The following ZGRF1 variants were observed in gnomAD, a reference collection of about 807,000 sequenced individuals.
ZGRF1 encodes the protein zinc finger GRF-type containing 1.
In ZGRF1, 196 loss-of-function variants were observed where a neutral mutation model predicts 203.5. That is an observed-to-expected ratio of 0.96 (90% CI 0.86 to 1.08). The LOEUF (loss-of-function observed/expected upper bound fraction) is 1.08. Ranked by LOEUF, ZGRF1 falls within the 50% of genes least tolerant of loss-of-function variation. The probability of loss-of-function intolerance (pLI) is 0.00; values close to 1 mark genes in which losing one functional copy is unlikely to be tolerated. For missense variants in ZGRF1, 2,326 were observed against 2,416.3 expected, an observed-to-expected ratio of 0.96 and a Z score of 0.78; for synonymous variants, 809 against 841.3, an observed-to-expected ratio of 0.96 and a Z score of 0.66.
At chr4:112,608,641 T>G (rs1246590068) in intron 8 of ZGRF1, among the ~76,000 whole-genome samples, 1 of 151,982 alleles carries the variant, frequency 6.6e-6, no homozygotes, top group Non-Finnish European at 1.5e-5. Context: ...AAGAAAAAAT[T>G]TAAACCTTAT....
chr4:112,581,179 C>CA (rs1364509620), intron 16 of ZGRF1, among the ~76,000 whole-genome samples: 11 of 147,650 alleles, frequency 7.5e-5, no homozygotes, highest in Admixed American at 2.8e-4. Context: ...ATCGCAAGGA[C>CA]AAAAAACCAA....
chr4:112,617,844 C>T lies in ZGRF1; in HGVS notation c.2198G>A (p.Ser733Asn), dbSNP rs1405185049. The change falls in exon 6 of 28, where the codon AGT (serine) becomes AAT (asparagine). Residue 733 changes from serine (S) to asparagine (N), a missense_variant. Transcript: ENST00000505019. ...TAATAGTTGGACACTGTTGTCACTA[C>T]TAGAAGTTGAGGGTAAAACATGTTC... ...NDEHVLPSTS[S>N]SDNSVQLLNT... 1 of 1,614,014 alleles carries T rather than the reference C, an allele frequency of 6.2e-7. No homozygotes were observed. The highest frequency in any genetic ancestry group is 1.7e-5 in the Admixed American group (1 of 60,012).
intron 16 of ZGRF1, among the ~76,000 whole-genome samples, chr4:112,571,947 T>C (rs1356859841): frequency 6.6e-6 from 1 of 152,066 alleles, no homozygotes; most frequent in Non-Finnish European, 1.5e-5. Context: ...CAGTATAAAA[T>C]AGGGAGTCAA....
chr4:112,559,932 A>G (rs1741640436), intron 19 of ZGRF1, among the ~76,000 whole-genome samples: 1 of 152,190 alleles, frequency 6.6e-6, no homozygotes, highest in Non-Finnish European at 1.5e-5. Flanking sequence ...GATGGATAGA[A>G]GCTAGAAGGA....
Position 112,618,689 on chromosome 4 carries a change from T to C in ZGRF1, c.1353A>G (p.Gly451=). 1.2e-6 allele frequency: 2 copies of C among 1,612,504 alleles called. No individual in the cohort carries two copies. Among genetic ancestry groups the C allele is most frequent in the Non-Finnish European group, 1.7e-6 (2 of 1,179,656 alleles). ...GAGCATTTTCTTTAATGAGAACTGA[T>C]CCTTTAATGCACCCCTTGTCATTTT... ...FNQNDKGCIK[G]SVLIKENAQE... The change falls in exon 6 of 28, where the codon GGA becomes GGG. Residue 451 remains glycine (G), a synonymous_variant. Coordinates refer to ENST00000505019, the MANE Select transcript of ZGRF1 (RefSeq NM_018392.5).
chr4:112,565,143 T>C (rs1742789810), intron 16 of ZGRF1: 2 of 1,443,180 alleles, frequency 1.4e-6, no homozygotes, highest in Admixed American at 1.7e-5. Flanking sequence ...TCCGTGAAAT[T>C]AGATGTTATC....
chr4:112,603,425 T>C, intron 10 of ZGRF1, 99 bp downstream of exon 10: 1 of 734,378 alleles, frequency 1.4e-6, no homozygotes, highest in African/African-American at 1.8e-5. Context: ...TACTCCTTTT[T>C]AACTTATAAC....
intron 16 of ZGRF1, among the ~76,000 whole-genome samples, chr4:112,572,220 C>G (rs1485250556): frequency 1.3e-5 from 2 of 152,110 alleles, no homozygotes; most frequent in African/African-American, 2.4e-5. Context: ...ACCAATAGAA[C>G]AGAATAGAGA....
In ZGRF1 at chr4:112,546,325, A is replaced by T. The variant is rs186762101; in HGVS notation, c.5598+960T>A. Among the ~76,000 whole-genome samples the T allele has an allele frequency of 1.3e-3, 197 of 152,308 alleles. 2 individuals carry two copies. Among genetic ancestry groups the T allele is most frequent in the Non-Finnish European group, 2.5e-4 (17 of 68,024 alleles). ...GAAGTGATGAAAACATTTTGAAACC[A>T]GACAGAGGTAGTGGTTACACAAGAA... On this transcript the variant is annotated intron_variant, in intron 24 of 27. Coordinates refer to ENST00000505019, the MANE Select transcript of ZGRF1 (RefSeq NM_018392.5).
chr4:112,564,926 G>A (rs1018204253), intron 16 of ZGRF1: 6 of 728,434 alleles, frequency 8.2e-6, no homozygotes, highest in Admixed American at 2.1e-5. Flanking sequence ...CGCCAGCGCC[G>A]CCTGTCGCTG....
At position 112,631,936 on chromosome 4, in the gene ZGRF1, T is replaced by C; in HGVS notation, c.96A>G (p.Gly32=). The change falls in exon 3 of 28, where the codon GGA becomes GGG. Residue 32 remains glycine (G), a synonymous_variant. Coordinates refer to ENST00000505019, the MANE Select transcript of ZGRF1 (RefSeq NM_018392.5). ...TCAACTGCTTTGTACTCACTTTGTT[T>C]CCTAAGTGAGTGATCTTCAGAATTC... ...QDGILKITHL[G]NKAILYDDKG... The C allele has an allele frequency of 6.3e-7, 1 of 1,588,312 alleles. No individual in the cohort carries two copies. The highest frequency in any genetic ancestry group is 1.2e-5 in the South Asian group (1 of 85,978).
intron 22 of ZGRF1, among the ~76,000 whole-genome samples, chr4:112,553,138 G>A (rs1740269271): frequency 6.6e-6 from 1 of 152,226 alleles, no homozygotes; most frequent in African/African-American, 2.4e-5. Flanking sequence ...CTAGCAGAAA[G>A]TTACCAATGT....
chr4:112,597,212 T>TAAA (rs1273783172), intron 10 of ZGRF1, among the ~76,000 whole-genome samples: 1 of 105,352 alleles, frequency 9.5e-6, no homozygotes. Flanking sequence ...AAACTCCATC[T>TAAA]AAAAAAAAAA....
chr4:112,628,534 G>C, intron 3 of ZGRF1: 1 of 454,210 alleles, frequency 2.2e-6, no homozygotes, highest in Non-Finnish European at 4.4e-6. Flanking sequence ...TAGAGAAAAG[G>C]CATAACTAGC....
intron 24 of ZGRF1, among the ~76,000 whole-genome samples, chr4:112,542,080 G>A (rs1387740999): frequency 2.6e-5 from 4 of 152,068 alleles, no homozygotes; most frequent in East Asian, 1.9e-4. Context: ...GTGGTTCAAC[G>A]CCTGTAATTC....
intron 10 of ZGRF1, among the ~76,000 whole-genome samples, chr4:112,597,212 TAA>T (rs1273783172): frequency 3.2e-4 from 34 of 105,268 alleles, no homozygotes; most frequent in Middle Eastern, 6.5e-3. Flanking sequence ...AAACTCCATC[TAA>T]AAAAAAAAAA....
chr4:112,588,209 C>T (rs1463264334), intron 11 of ZGRF1, among the ~76,000 whole-genome samples: 1 of 151,614 alleles, frequency 6.6e-6, no homozygotes, highest in African/African-American at 2.4e-5. Flanking sequence ...GTTTATATAG[C>T]ACTTAACATT....
rs549001041 is a variant in ZGRF1, at chr4:112,554,272, A to G, written c.5199-290T>C. ...CTGTGTCCATGTGTTCTCATTGTTC[A>G]ATTCCCACCTATGAGTGAGAACATG... On this transcript the variant is annotated intron_variant, in intron 21 of 27. Coordinates refer to ENST00000505019, the MANE Select transcript of ZGRF1 (RefSeq NM_018392.5). 2.5e-3 allele frequency among the ~76,000 whole-genome samples: 339 copies of G among 134,270 alleles called. 1 individual carries two copies. Among genetic ancestry groups the G allele is most frequent in the African/African-American group, 8.9e-3 (312 of 35,224 alleles). 88.1% of individuals were successfully genotyped at this position (134,270 alleles called of 152,430 possible).
At chr4:112,582,572 G>A (rs756014243) in intron 15 of ZGRF1, among the ~76,000 whole-genome samples, 12 of 151,874 alleles carry the variant, frequency 7.9e-5, no homozygotes, top group Non-Finnish European at 1.3e-4. Context: ...TCCCGTCTCA[G>A]CCTCCCAAGT....
Sources: gnomAD v4.1 joint callset for allele counts (sites outside exome capture counted in the v4.1 genomes callset) on GRCh38, gnomAD v4.1.1 for gene constraint, MANE v1.5 for transcripts, NCBI Gene and HGNC (gene_info 2026-07-23, HGNC 2026-07-21) for gene names.